SEC61A1: variants seen among roughly 807,000 people sequenced by gnomAD.
The protein encoded by SEC61A1 is protein transport protein Sec61 subunit alpha isoform 1.
Under a neutral mutation model 55.2 loss-of-function variants are expected in SEC61A1, and 15 were observed. The ratio of observed to expected loss-of-function variants is 0.27; its 90% CI spans 0.18 to 0.42. The LOEUF (loss-of-function observed/expected upper bound fraction) is 0.42, where lower values mean the gene tolerates loss of function less well. Among genes scored for constraint, SEC61A1 ranks in the 10% least tolerant of loss-of-function variants. The probability of loss-of-function intolerance (pLI) is 1.00; values close to 1 mark genes in which losing one functional copy is unlikely to be tolerated. For synonymous variants in SEC61A1, 247 were observed against 234.0 expected (o/e 1.06, Z -0.51); for missense variants, 284 against 602.6 (o/e 0.47, Z 5.53).
At position 128,056,836 on chromosome 3, in the gene SEC61A1, A is replaced by G. The variant is rs761689820; in HGVS notation, c.348A>G (p.Gln116=). The change falls in exon 5 of 12, where the codon CAA becomes CAG. Residue 116 remains glutamine (Q), a synonymous_variant. Transcript: ENST00000243253. ...PKDRALFNGA[Q]KLFGMIITIG... is the part of the protein sequence containing the mutation. ...ACCGAGCTCTCTTCAACGGAGCCCAAAAGTGTAAGAAAGATTGTGAATAAT... is the reference window on the plus strand; with the variant it reads ...ACCGAGCTCTCTTCAACGGAGCCCAGAAGTGTAAGAAAGATTGTGAATAAT... The G allele has an allele frequency of 1.0e-5, 16 of 1,574,018 alleles. No homozygotes were observed. Among genetic ancestry groups the G allele is most frequent in the African/African-American group, 2.7e-5 (2 of 73,868 alleles).
chr3:128,064,744 C>G, intron 7 of SEC61A1, 133 bp from the exon 8 acceptor site: 2 of 674,424 alleles, frequency 3.0e-6, no homozygotes, highest in Non-Finnish European at 5.1e-6. Flanking sequence ...CATGCTGTAT[C>G]CCTGTGGCTA....
chr3:128,051,848 G>C, upstream of SEC61A1: 1 of 1,535,884 alleles, frequency 6.5e-7, no homozygotes, highest in Non-Finnish European at 8.7e-7. Flanking sequence ...TCAGATGGAA[G>C]GGGACCCACA....
rs1942104229 is a variant in SEC61A1 at position 128,069,848 on chromosome 3, T to C, written c.*186T>C. ...AAAATTTTGCTTTTTATCCTGGCAC[T>C]GGCAAAAAGAACTGTGAAAGTGAAA... is the stretch of plus-strand genomic sequence containing the variant. On this transcript the variant is annotated 3_prime_UTR_variant, in exon 12 of 12. Transcript: ENST00000243253. 3.4e-6 allele frequency: 2 copies of C among 594,730 alleles called. No individual in the cohort carries two copies. The highest frequency in any genetic ancestry group is 5.8e-5 in the East Asian group (2 of 34,552). The allele number at this position is 594,730 out of a possible 1,614,324, so 36.8% of individuals were successfully genotyped here. A position where few individuals can be genotyped will look rare whatever the true frequency, so the allele number is the denominator to read the frequency against.
chr3:128,053,618 G>C (rs1021147197), intron 2 of SEC61A1, among the ~76,000 whole-genome samples: 3 of 152,192 alleles, frequency 2.0e-5, no homozygotes, highest in Non-Finnish European at 2.9e-5. Flanking sequence ...TGGACACTTG[G>C]GTGCTTGGAA....
In SEC61A1 at chr3:128,056,795, G is replaced by A. The variant is rs1941778371; in HGVS notation, c.307G>A (p.Gly103Ser). The change falls in exon 5 of 12, where the codon GGT (glycine) becomes AGT (serine). Residue 103 changes from glycine (G) to serine (S), a missense_variant. Coordinates refer to ENST00000243253, the MANE Select transcript of SEC61A1 (RefSeq NM_013336.4). ...LLAGAKIIEV[G>S]DTPKDRALFN... ...GGCTGGCGCCAAGATAATTGAAGTT[G>A]GTGACACCCCAAAAGACCGAGCTCT... 1.2e-6 allele frequency: 2 copies of A among 1,610,414 alleles called. No individual in the cohort carries two copies. The highest frequency in any genetic ancestry group is 3.4e-5 in the Admixed American group (2 of 59,202).
Position 128,060,790 on chromosome 3 carries a change from G to T in SEC61A1, c.616+129G>T, listed in dbSNP as rs9849210. 229,741 of 962,822 alleles carry T rather than the reference G, an allele frequency of 0.24. 28,636 individuals are homozygous for T. The highest frequency in any genetic ancestry group is 0.27 in the South Asian group (14,550 of 54,388). 59.6% of individuals were successfully genotyped at this position (962,822 alleles called of 1,614,324 possible). A position where few individuals can be genotyped will look rare whatever the true frequency, so the allele number is the denominator to read the frequency against. ...CAGTTTTAGGTTTATCTCTTCTGGT[G>T]TTTGGGTCCATCTGCAAAGTTTTAA... On this transcript the variant is annotated intron_variant, in intron 7 of 11. Transcript: ENST00000243253.
chr3:128,060,721 A>G, intron 7 of SEC61A1, 60 bp downstream of exon 7: 1 of 1,512,816 alleles, frequency 6.6e-7, no homozygotes, highest in South Asian at 1.2e-5. Context: ...TGAGCAATGC[A>G]AAGCAGAAGA....
At chr3:128,068,148 TA>T (rs1347712613) in intron 11 of SEC61A1, 89 bp downstream of exon 11, 1 of 909,484 alleles carries the variant, frequency 1.1e-6, no homozygotes, top group African/African-American at 1.7e-5. Context: ...CCCTAGCACT[TA>T]CTGGGTCACT....
chr3:128,056,839 G>A lies in SEC61A1; in HGVS notation c.351G>A (p.Lys117=), dbSNP rs1941779101. Residue 117 remains lysine (K), a splice_region_variant and synonymous_variant, in exon 5 of 12, where the codon AAG becomes AAA. Coordinates refer to ENST00000243253, the MANE Select transcript of SEC61A1 (RefSeq NM_013336.4). ...GAGCTCTCTTCAACGGAGCCCAAAA[G>A]TGTAAGAAAGATTGTGAATAATCTG... is the stretch of plus-strand genomic sequence containing the variant. ...KDRALFNGAQ[K]LFGMIITIGQ... is the part of the protein sequence containing the mutation. 2.5e-6 allele frequency: 4 copies of A among 1,573,686 alleles called. No individual in the cohort carries two copies. The highest frequency in any genetic ancestry group is 1.4e-5 in the African/African-American group (1 of 73,744).
At chr3:128,062,375 T>C (rs1326608828) in intron 7 of SEC61A1, among the ~76,000 whole-genome samples, 1 of 152,202 alleles carries the variant, frequency 6.6e-6, no homozygotes, top group African/African-American at 2.4e-5. Context: ...CAGGGGAGGC[T>C]GTTGAATGAG....
chr3:128,066,880 C>A, intron 8 of SEC61A1, 74 bp from the exon 9 acceptor site: 1 of 1,471,444 alleles, frequency 6.8e-7, no homozygotes, highest in Non-Finnish European at 9.4e-7. Flanking sequence ...GGACAGTCCC[C>A]GGCCGGGCTG....
At chr3:128,064,853 A>C (rs1219539849) in intron 7 of SEC61A1, 24 bp from the exon 8 acceptor site, 2 of 1,564,578 alleles carry the variant, frequency 1.3e-6, no homozygotes, top group Non-Finnish European at 1.7e-6. Flanking sequence ...GTTCCTTCAT[A>C]TATGTCTCCT....
rs550746197 is a variant in SEC61A1 at position 128,055,055 on chromosome 3, C to T, written c.76-461C>T. ...TACACTATTGAGCAATTCCAAATTA[C>T]TTGACTCTAGAATAACAAGGTTTTG... On this transcript the variant is annotated intron_variant, in intron 2 of 11. Transcript: ENST00000243253. 4.6e-5 allele frequency among the ~76,000 whole-genome samples: 7 copies of T among 152,352 alleles called. No individual in the cohort carries two copies. In the South Asian group the frequency reaches 6.2e-4, roughly 14 times the overall value.
At chr3:128,065,276 T>A in intron 8 of SEC61A1, 1 of 616,538 alleles carries the variant, frequency 1.6e-6, no homozygotes. Context: ...ATCATGTTCT[T>A]CTGGGTTGGG....
At position 128,052,820 on chromosome 3, in the gene SEC61A1, T is replaced by C; in HGVS notation, c.8-15T>C. 1 of 1,611,612 alleles carries C rather than the reference T, an allele frequency of 6.2e-7. No homozygotes were observed. The highest frequency in any genetic ancestry group is 8.5e-7 in the Non-Finnish European group (1 of 1,177,832). ...CTGTGTCCCAACTCTTCCTGTTTTG[T>C]TTCTCCCATCAAAGTCAAATTTCTG... On this transcript the variant is annotated splice_polypyrimidine_tract_variant and intron_variant, in intron 1 of 11. Coordinates refer to ENST00000243253, the MANE Select transcript of SEC61A1 (RefSeq NM_013336.4).
At chr3:128,061,027 C>T (rs1941843426) in intron 7 of SEC61A1, among the ~76,000 whole-genome samples, 1 of 152,140 alleles carries the variant, frequency 6.6e-6, no homozygotes, top group Non-Finnish European at 1.5e-5. Flanking sequence ...ATATGTTCAT[C>T]TTTGTATATT....
upstream of SEC61A1, chr3:128,051,720 C>T (rs766486337): frequency 2.0e-5 from 29 of 1,458,336 alleles, no homozygotes; most frequent in Admixed American, 1.2e-4. Context: ...TATCAAGGCT[C>T]GGCACAAAGG....
At chr3:128,063,034 G>A (rs975885555) in intron 7 of SEC61A1, among the ~76,000 whole-genome samples, 4 of 152,182 alleles carry the variant, frequency 2.6e-5, no homozygotes, top group Admixed American at 6.5e-5. Context: ...CCCTTCTCAA[G>A]TTTTTATTTA....
At chr3:128,066,590 T>G in intron 8 of SEC61A1, 2 of 225,574 alleles carry the variant, frequency 8.9e-6, no homozygotes, top group African/African-American at 2.3e-5. Context: ...ACCCGGCCAG[T>G]TTTGTTTATT....
Sources: allele counts gnomAD v4.1 joint callset (sites outside exome capture counted in the v4.1 genomes callset), GRCh38; gene constraint gnomAD v4.1.1; transcripts MANE v1.5; gene names NCBI Gene and HGNC (gene_info 2026-07-23, HGNC 2026-07-21).